Variants in USP1 observed in about 807,000 individuals in gnomAD.
USP1 encodes ubiquitin specific peptidase 1.
In USP1, 18 loss-of-function variants were observed where a neutral mutation model predicts 72.2. That is an observed-to-expected ratio of 0.25 (90% confidence interval 0.17 to 0.37). USP1 has a LOEUF of 0.37. Among genes scored for constraint, USP1 ranks in the 10% least tolerant of loss-of-function variants. The pLI is 1.00. For missense variants in USP1, 759 were observed against 884.9 expected (o/e 0.86, Z 1.81); for synonymous variants, 354 against 303.7 (o/e 1.17, Z -1.72).
At chr1:62,440,907 G>C (rs1372445494) in intron 2 of USP1, among the ~76,000 whole-genome samples, 5 of 151,922 alleles carry the variant, frequency 3.3e-5, no homozygotes, top group African/African-American at 1.2e-4. Flanking sequence ...GGCTGGTCTT[G>C]AATTCCTGGG....
chr1:62,450,691 G>A lies in USP1; in HGVS notation c.2068G>A (p.Val690Ile). The A allele has an allele frequency of 6.2e-7, 1 of 1,614,172 alleles. No homozygotes were observed. The highest frequency in any genetic ancestry group is 1.3e-5 in the African/African-American group (1 of 75,066). ...LYNKASNPDK[V>I]ASTAFAENRN... ...CAACAAAGCCTCTAATCCTGATAAGGTTGCTAGTACAGCGTTTGCTGAAAA... is the reference window on the plus strand; with the variant it reads ...CAACAAAGCCTCTAATCCTGATAAGATTGCTAGTACAGCGTTTGCTGAAAA... Residue 690 changes from valine (V) to isoleucine (I), a missense_variant, in exon 9 of 9, where the codon GTT (valine) becomes ATT (isoleucine). Physicochemically the swap from Val to Ile is conservative, Grantham distance 29 (BLOSUM62 3). Around this residue, in one of 9 missense-constraint regions of USP1, gnomAD observed 159 missense variants for 140.9 expected, o/e 1.13. Coordinates refer to ENST00000339950, the MANE Select transcript of USP1 (RefSeq NM_003368.5).
rs368210632 is a variant in USP1 at position 62,444,795 on chromosome 1, A to G, written c.615A>G (p.Gln205=). 179 of 1,612,906 alleles carry G rather than the reference A, an allele frequency of 1.1e-4. No homozygotes were observed. Among genetic ancestry groups the G allele is most frequent in the East Asian group, 8.7e-4 (39 of 44,772 alleles). Residue 205 remains glutamine, a synonymous_variant, in exon 6 of 9, where the codon CAA becomes CAG. Transcript: ENST00000339950. ...AGCATGATGCACAGGAAGTATTACA[A>G]TGTATTTTGGGAAACATTCAAGAAA... The part of the protein sequence containing the change: ...YLQHDAQEVL[Q]CILGNIQETC...
chr1:62,447,436 A>G lies in USP1; in HGVS notation c.1345A>G (p.Arg449Gly). The G allele has an allele frequency of 6.2e-7, 1 of 1,614,176 alleles. No homozygotes were observed. Among genetic ancestry groups the G allele is most frequent in the Non-Finnish European group, 8.5e-7 (1 of 1,180,014 alleles). Residue 449 changes from arginine (R) to glycine (G), a missense_variant, in exon 7 of 9, where the codon AGA becomes GGA. This residue lies in a region of USP1 where 140 missense variants were observed against 222.8 expected (regional missense o/e 0.63). Transcript: ENST00000339950. ...CTTGGAATGTGAAAGTTTAACAGAAAGAAGAGAAGATTTTCAAGACATCAG... is the reference window on the plus strand; with the variant it reads ...CTTGGAATGTGAAAGTTTAACAGAAGGAAGAGAAGATTTTCAAGACATCAG... ...RCLECESLTE[R>G]REDFQDISVP... is the part of the protein sequence containing the mutation.
chr1:62,438,387 T>G lies in USP1; in HGVS notation c.-70+987T>G, dbSNP rs570675854. Among the ~76,000 whole-genome samples the G allele has an allele frequency of 3.3e-5, 5 of 152,230 alleles. No homozygotes were observed. In the South Asian group the frequency reaches 1.0e-3, roughly 32 times the overall value. The stretch of plus-strand genomic sequence containing the variant: ...AGCATTAGGTAGACAGGAGAGTAAG[T>G]GAAGTTGGAGACAGAATGGAGAGAT... On this transcript the variant is annotated intron_variant, in intron 1 of 8. Transcript: ENST00000339950.
intron 2 of USP1, among the ~76,000 whole-genome samples, chr1:62,441,154 A>G (rs1220850222): frequency 6.6e-6 from 1 of 152,164 alleles, no homozygotes; most frequent in Non-Finnish European, 1.5e-5. Context: ...GTTTCTGTTC[A>G]GTTAAACTAT....
intron 6 of USP1, 151 bp from the exon 7 acceptor site, chr1:62,447,190 G>T: frequency 5.7e-6 from 4 of 703,122 alleles, no homozygotes; most frequent in Non-Finnish European, 8.9e-6. Context: ...CATTAATAGG[G>T]TACCTCTAAT....
At chr1:62,440,753 T>C (rs1450959730) in intron 2 of USP1, among the ~76,000 whole-genome samples, 1 of 152,206 alleles carries the variant, frequency 6.6e-6, no homozygotes, top group Non-Finnish European at 1.5e-5. Flanking sequence ...TTTGAGGTGC[T>C]AGAGTAATAA....
intron 2 of USP1, 113 bp downstream of exon 2, chr1:62,440,150 C>T (rs554209579): frequency 2.1e-5 from 19 of 914,514 alleles, no homozygotes; most frequent in African/African-American, 2.0e-4. Flanking sequence ...AAGTACGCTT[C>T]AGTGTACTTC....
rs189392804 is a variant in USP1, at chr1:62,447,640, T to C, written c.1420+129T>C. The C allele has an allele frequency of 5.0e-4, 479 of 949,654 alleles. 3 individuals are homozygous for C. The African/African-American group carries it at 7.5e-3, about 15-fold the overall frequency. 58.8% of individuals were successfully genotyped at this position (949,654 alleles called of 1,614,324 possible). On this transcript the variant is annotated intron_variant, in intron 7 of 8. Coordinates refer to ENST00000339950, the MANE Select transcript of USP1 (RefSeq NM_003368.5). ...CTAGCTTTTAGTGTCTAATGTAACC[T>C]TTCTGCTTATCTGGCTTCACTTATA...
At chr1:62,438,969 C>T (rs1645113054) in intron 1 of USP1, among the ~76,000 whole-genome samples, 1 of 152,144 alleles carries the variant, frequency 6.6e-6, no homozygotes, top group Admixed American at 6.6e-5. Context: ...AACTTAACAC[C>T]ATCTCTATGC....
At chr1:62,438,168 G>T (rs1645105135) in intron 1 of USP1, among the ~76,000 whole-genome samples, 1 of 152,076 alleles carries the variant, frequency 6.6e-6, no homozygotes, top group African/African-American at 2.4e-5. Context: ...TTAAGCTGAC[G>T]ATCCGCTATT....
chr1:62,441,523 T>C lies in USP1; in HGVS notation c.206T>C (p.Ile69Thr). The C allele has an allele frequency of 6.2e-7, 1 of 1,613,596 alleles. No homozygotes were observed. Among genetic ancestry groups the C allele is most frequent in the South Asian group, 1.1e-5 (1 of 91,018 alleles). ...QVVPAAQSSP[I>T]NCEKRENLLP... ...GTTCCTGCAGCACAGTCTTCACCTA[T>C]AAACTGTGAGAAGAGAGAAAACTTG... Residue 69 changes from isoleucine to threonine, a missense_variant, in exon 3 of 9, where the codon ATA (isoleucine) becomes ACA (threonine). This residue lies in a region of USP1 where 86 missense variants were observed against 82.0 expected (regional missense o/e 1.05). Coordinates refer to ENST00000339950, the MANE Select transcript of USP1 (RefSeq NM_003368.5).
intron 8 of USP1, 25 bp downstream of exon 8, chr1:62,448,691 A>G: frequency 6.3e-7 from 1 of 1,599,326 alleles, no homozygotes; most frequent in East Asian, 2.2e-5. Flanking sequence ...TAAGAACTAT[A>G]TGAAGAAAAT....
At chr1:62,436,866 G>A (rs1645091104), upstream of USP1, 2 of 372,272 alleles carry the variant, frequency 5.4e-6, no homozygotes, top group African/African-American at 4.2e-5. Flanking sequence ...GGCTTTTGGG[G>A]AACTACAGTC....
chr1:62,445,209 G>A lies in USP1; in HGVS notation c.1029G>A (p.Lys343=). The change falls in exon 6 of 9, where the codon AAG becomes AAA. Residue 343 remains lysine, a synonymous_variant. Coordinates refer to ENST00000339950, the MANE Select transcript of USP1 (RefSeq NM_003368.5). ...KKSRVKINWL[K]SATKQPSILS... is the part of the protein sequence containing the mutation. Reference sequence around the variant, plus strand: ...CAAGAGTTAAAATAAATTGGTTAAAGTCTGCAACTAAGCAACCCAGCATTC... The same window carrying A: ...CAAGAGTTAAAATAAATTGGTTAAAATCTGCAACTAAGCAACCCAGCATTC... The A allele has an allele frequency of 6.2e-7, 1 of 1,612,008 alleles. No homozygotes were observed.
rs150910573 is a variant in USP1 at position 62,447,199 on chromosome 1, A to G, written c.1250-142A>G. The G allele has an allele frequency of 5.2e-4, 409 of 789,514 alleles. 3 individuals are homozygous for G. In the East Asian group the frequency reaches 9.4e-3, roughly 18 times the overall value. 48.9% of individuals were successfully genotyped at this position (789,514 alleles called of 1,614,324 possible). A position where few individuals can be genotyped will look rare whatever the true frequency, so the allele number is the denominator to read the frequency against. On this transcript the variant is annotated intron_variant, in intron 6 of 8. Transcript: ENST00000339950. ...AAATTTCATTAATAGGGTACCTCTA[A>G]TAAGCTAATAATGCTAATAAGCTGA...
chr1:62,442,338 A>G (rs754907402), intron 4 of USP1, 39 bp downstream of exon 4: 12 of 1,437,848 alleles, frequency 8.3e-6, no homozygotes, highest in Non-Finnish European at 1.0e-5. Context: ...GTAAAAAGCA[A>G]AAGTAAATTA....
chr1:62,442,296 C>A lies in USP1; in HGVS notation c.393C>A (p.Asp131Glu). 3.2e-6 allele frequency: 5 copies of A among 1,569,982 alleles called. No homozygotes were observed. Among genetic ancestry groups the A allele is most frequent in the South Asian group, 1.2e-5 (1 of 85,010 alleles). ...EALKDEANQK[D>E]KGNCKEDSLA... ...TAAAGGATGAAGCCAATCAAAAAGACAAGGTAAGAAAAATAAAGAACAGAA... is the reference window on the plus strand; with the variant it reads ...TAAAGGATGAAGCCAATCAAAAAGAAAAGGTAAGAAAAATAAAGAACAGAA... The change falls in exon 4 of 9, where the codon GAC becomes GAA. Residue 131 changes from aspartate (D) to glutamate (E), a missense_variant. By Grantham distance (45) the Asp-to-Glu change is conservative. This residue lies in a region of USP1 where 71 missense variants were observed against 71.0 expected (regional missense o/e 1.00). Coordinates refer to ENST00000339950, the MANE Select transcript of USP1 (RefSeq NM_003368.5).
At position 62,451,625 on chromosome 1, in the gene USP1, T is replaced by C. The variant is rs907175353; in HGVS notation, c.*644T>C. The C allele has an allele frequency of 6.5e-6, 1 of 152,688 alleles. No homozygotes were observed. The highest frequency in any genetic ancestry group is 2.4e-5 in the African/African-American group (1 of 41,460). 9.5% of individuals were successfully genotyped at this position (152,688 alleles called of 1,614,324 possible). On this transcript the variant is annotated 3_prime_UTR_variant, in exon 9 of 9. Coordinates refer to ENST00000339950, the MANE Select transcript of USP1 (RefSeq NM_003368.5). ...TGGGCATGGACTAATTTGTATCTGTTTAACTCATATTCTGCACGATCTGTA... is the reference window on the plus strand; with the variant it reads ...TGGGCATGGACTAATTTGTATCTGTCTAACTCATATTCTGCACGATCTGTA...
Sources: allele counts gnomAD v4.1 joint callset (sites outside exome capture counted in the v4.1 genomes callset), GRCh38; gene constraint gnomAD v4.1.1; regional missense constraint gnomAD v4.1.1; transcripts MANE v1.5; gene names NCBI Gene and HGNC (gene_info 2026-07-23, HGNC 2026-07-21).